The following ACOXL variants were observed in gnomAD, a reference collection of about 807,000 sequenced individuals.
The protein encoded by ACOXL is acyl-CoA oxidase like, also known as acyl-coenzyme A oxidase-like protein.
ACOXL carries 70 observed loss-of-function variants against 71.9 expected under a neutral mutation model. That is an observed-to-expected ratio of 0.97 (90% CI 0.80 to 1.19). The LOEUF (loss-of-function observed/expected upper bound fraction) is 1.19, where lower values mean the gene tolerates loss of function less well. Ranked by LOEUF, ACOXL falls within the 50% of genes most tolerant of loss-of-function variation. ACOXL has a pLI of 0.00. For missense variants in ACOXL, 703 were observed against 736.3 expected (o/e 0.95, Z 0.52); for synonymous variants, 253 against 281.6 (o/e 0.90, Z 1.02).
intron 10 of ACOXL, among the ~76,000 whole-genome samples, chr2:110,847,563 A>G (rs1692072046): frequency 6.6e-6 from 1 of 152,214 alleles, no homozygotes; most frequent in African/African-American, 2.4e-5. Flanking sequence ...TGATAGTTAA[A>G]TGGAGGTCCA....
intron 2 of ACOXL, 112 bp from the exon 3 acceptor site, chr2:110,784,620 A>G (rs1683727233): frequency 1.3e-6 from 1 of 748,768 alleles, no homozygotes; most frequent in Non-Finnish European, 2.0e-6. Flanking sequence ...AACTGCTTTT[A>G]CTGTGTTTAT....
At chr2:110,948,703 TAAAAAA>T (rs5833377) in intron 12 of ACOXL, among the ~76,000 whole-genome samples, 3 of 70,808 alleles carry the variant, frequency 4.2e-5, no homozygotes, top group African/African-American at 2.1e-4. Context: ...CCAGAAGAAC[TAAAAAA>T]AAAAAAAAAA....
At position 111,092,170 on chromosome 2, in the gene ACOXL, C is replaced by T. The variant is rs186014673; in HGVS notation, c.1441-695C>T. On this transcript the variant is annotated intron_variant, in intron 16 of 17. Transcript: ENST00000439055. The stretch of plus-strand genomic sequence containing the variant: ...GGGAGCAGAGTAAAAACAGGATTCG[C>T]GATGAGTGGATATGGGTGATGGAGA... 2.9e-3 allele frequency among the ~76,000 whole-genome samples: 434 copies of T among 152,168 alleles called. 3 individuals carry two copies. Among genetic ancestry groups the T allele is most frequent in the African/African-American group, 1.0e-2 (414 of 41,492 alleles).
Position 111,100,822 on chromosome 2 carries a change from G to A in ACOXL, c.1542+7856G>A, listed in dbSNP as rs188350986. ...GGAGCCATTCGTTTCCTCCCTGAGT[G>A]AGGGAGAGCTGCTCAGGAGCCCAGC... On this transcript the variant is annotated intron_variant, in intron 17 of 17. Coordinates refer to ENST00000439055, the MANE Select transcript of ACOXL (RefSeq NM_001142807.4). 2.0e-4 allele frequency: 31 copies of A among 152,806 alleles called. No homozygotes were observed. The East Asian group carries it at 5.6e-3, about 28-fold the overall frequency. The allele number at this position is 152,806 out of a possible 1,614,324, so 9.5% of individuals were successfully genotyped here.
intron 14 of ACOXL, among the ~76,000 whole-genome samples, chr2:111,018,708 T>TGGG (rs34041816): frequency 8.4e-4 from 113 of 134,808 alleles, no homozygotes; most frequent in African/African-American, 2.1e-3. Context: ...GCAGAGAGGC[T>TGGG]GGAGGGGGTG....
Position 111,003,550 on chromosome 2 carries a change from C to CAAAAAAAAAAAAAA in ACOXL, c.1281+7562_1281+7575dup, listed in dbSNP as rs548001377. Among the ~76,000 whole-genome samples, 76 of 35,332 alleles carry CAAAAAAAAAAAAAA rather than the reference C, an allele frequency of 2.2e-3. 6 individuals carry two copies. Among genetic ancestry groups the CAAAAAAAAAAAAAA allele is most frequent in the African/African-American group, 4.7e-3 (48 of 10,268 alleles). 23.2% of individuals were successfully genotyped at this position (35,332 alleles called of 152,430 possible). A position where few individuals can be genotyped will look rare whatever the true frequency, so the allele number is the denominator to read the frequency against. Reference sequence around the variant, plus strand: ...TGGGCGACAGGGCGAGACTCTGTCTCAAAAAAAAAAAAAAAAAAAAAAAAA... The same window carrying CAAAAAAAAAAAAAA: ...TGGGCGACAGGGCGAGACTCTGTCTCAAAAAAAAAAAAAAAAAAAAAAAAAAAAAAAAAAAAAAA... On this transcript the variant is annotated intron_variant, in intron 14 of 17. Transcript: ENST00000439055.
At chr2:110,880,168 A>AAAAAAG (rs1696463386) in intron 10 of ACOXL, among the ~76,000 whole-genome samples, 1 of 150,682 alleles carries the variant, frequency 6.6e-6, no homozygotes, top group African/African-American at 2.4e-5. Flanking sequence ...AAAAAAAAAA[A>AAAAAAG]AAAAGAAAAG....
At chr2:110,933,444 G>A in intron 11 of ACOXL, 45 bp from the exon 12 acceptor site, 1 of 1,591,322 alleles carries the variant, frequency 6.3e-7, no homozygotes, top group East Asian at 2.2e-5. Flanking sequence ...CACATGTGCT[G>A]ACTGCACCGC....
At chr2:111,047,237 A>G (rs1222553909) in intron 15 of ACOXL, among the ~76,000 whole-genome samples, 1 of 152,202 alleles carries the variant, frequency 6.6e-6, no homozygotes, top group Admixed American at 6.5e-5. Context: ...TGCTATGTCT[A>G]TGATAACGAA....
chr2:110,835,094 T>C (rs1444885615), intron 9 of ACOXL, among the ~76,000 whole-genome samples: 2 of 152,366 alleles, frequency 1.3e-5, no homozygotes, highest in Admixed American at 6.5e-5. Context: ...TCAATGTTAG[T>C]TCTGTGTTGA....
intron 3 of ACOXL, among the ~76,000 whole-genome samples, chr2:110,791,064 A>G (rs1291004108): frequency 6.6e-6 from 1 of 152,322 alleles, no homozygotes; most frequent in East Asian, 1.9e-4. Context: ...TGCTGAAAGC[A>G]TGTCAGGCCA....
Position 111,005,164 on chromosome 2 carries a change from C to A in ACOXL, c.1281+9160C>A, listed in dbSNP as rs372390103. Among the ~76,000 whole-genome samples the A allele has an allele frequency of 1.1e-4, 16 of 152,330 alleles. No homozygotes were observed. In the East Asian group the frequency reaches 3.1e-3, roughly 29 times the overall value. On this transcript the variant is annotated intron_variant, in intron 14 of 17. Coordinates refer to ENST00000439055, the MANE Select transcript of ACOXL (RefSeq NM_001142807.4). ...CATCACCTGTGGCATTCTCCCACCACATTGGTGGTGTCCCCCACTTCAGGG... is the reference window on the plus strand; with the variant it reads ...CATCACCTGTGGCATTCTCCCACCAAATTGGTGGTGTCCCCCACTTCAGGG...
chr2:110,875,546 T>C (rs902197658), intron 10 of ACOXL, among the ~76,000 whole-genome samples: 6 of 152,142 alleles, frequency 3.9e-5, no homozygotes, highest in Non-Finnish European at 5.9e-5. Flanking sequence ...TGTGAGTGTG[T>C]GGTCCTGGTG....
At chr2:110,924,774 A>T (rs2060210131) in intron 11 of ACOXL, among the ~76,000 whole-genome samples, 1 of 118,054 alleles carries the variant, frequency 8.5e-6, no homozygotes, top group Admixed American at 9.2e-5. Context: ...TGGTATTTTG[A>T]CCTCCTCCCA....
At chr2:111,108,957 ATTAAT>A (rs1558977745) in intron 17 of ACOXL, among the ~76,000 whole-genome samples, 2 of 152,106 alleles carry the variant, frequency 1.3e-5, no homozygotes, top group Admixed American at 1.3e-4. Flanking sequence ...CCTTTTTTAA[ATTAAT>A]TTGTTTATTT....
intron 14 of ACOXL, among the ~76,000 whole-genome samples, chr2:111,013,574 T>C (rs1006285525): frequency 2.0e-5 from 3 of 147,722 alleles, no homozygotes; most frequent in Non-Finnish European, 4.5e-5. Flanking sequence ...GATCTAAAAA[T>C]GTCTGTTAAA....
intron 10 of ACOXL, among the ~76,000 whole-genome samples, chr2:110,842,022 C>G (rs1293360904): frequency 1.3e-5 from 2 of 152,168 alleles, no homozygotes; most frequent in African/African-American, 2.4e-5. Context: ...CCTGTCCTTA[C>G]AAAAACTGTG....
chr2:110,804,829 GA>G (rs1202554678), intron 8 of ACOXL, among the ~76,000 whole-genome samples: 17 of 152,118 alleles, frequency 1.1e-4, no homozygotes, highest in African/African-American at 4.1e-4. Flanking sequence ...GGACTGGAGG[GA>G]GGGGAGTATG....
chr2:110,734,372 C>G (rs886341153), intron 1 of ACOXL, among the ~76,000 whole-genome samples: 1 of 151,826 alleles, frequency 6.6e-6, no homozygotes, highest in Admixed American at 6.6e-5. Context: ...TGGGTTCAAG[C>G]GATTCTCCTG....
Sources: allele counts gnomAD v4.1 joint callset (sites outside exome capture counted in the v4.1 genomes callset), GRCh38; gene constraint gnomAD v4.1.1; transcripts MANE v1.5; gene names NCBI Gene and HGNC (gene_info 2026-07-23, HGNC 2026-07-21).